PRKCE: variants seen among roughly 807,000 people sequenced by gnomAD.
PRKCE encodes protein kinase C epsilon type.
A neutral mutation model predicts 85.4 loss-of-function variants in PRKCE; 16 were observed. The observed-to-expected ratio is 0.19, with a 90% CI of 0.13 to 0.28. The LOEUF (loss-of-function observed/expected upper bound fraction) is 0.28. Ranked by LOEUF, PRKCE falls within the 10% of genes least tolerant of loss-of-function variation. The pLI is 1.00. For missense variants in PRKCE, 573 were observed against 975.2 expected, an observed-to-expected ratio of 0.59 and a Z score of 5.49; for synonymous variants, 388 against 371.5, an observed-to-expected ratio of 1.04 and a Z score of -0.51.
intron 1 of PRKCE, among the ~76,000 whole-genome samples, chr2:45,701,861 C>G (rs1678669885): frequency 6.6e-6 from 1 of 152,130 alleles, no homozygotes; most frequent in Admixed American, 6.6e-5. Context: ...TCCTTCTTCT[C>G]TTAGTATCTG....
chr2:46,103,573 A>G (rs1390932897), intron 11 of PRKCE, among the ~76,000 whole-genome samples: 1 of 152,196 alleles, frequency 6.6e-6, no homozygotes, highest in East Asian at 1.9e-4. Context: ...GTGAGCAAAT[A>G]TAAAAAACAG....
chr2:46,086,862 C>G (rs1313218990), intron 11 of PRKCE, among the ~76,000 whole-genome samples: 1 of 152,154 alleles, frequency 6.6e-6, no homozygotes, highest in East Asian at 1.9e-4. Flanking sequence ...GGAATGGGAA[C>G]TAGACAATAT....
intron 10 of PRKCE, among the ~76,000 whole-genome samples, chr2:46,080,465 T>C (rs1400714916): frequency 2.0e-5 from 3 of 152,192 alleles, no homozygotes; most frequent in Non-Finnish European, 4.4e-5. Flanking sequence ...AGAAATGATG[T>C]GGGGAAACCA....
intron 1 of PRKCE, among the ~76,000 whole-genome samples, chr2:45,814,842 G>A (rs1468518715): frequency 6.6e-6 from 1 of 152,188 alleles, no homozygotes. Flanking sequence ...TTAGCCACAG[G>A]CTGCAGTTGT....
intron 8 of PRKCE, among the ~76,000 whole-genome samples, chr2:46,006,251 A>G (rs1442032987): frequency 6.6e-6 from 1 of 152,240 alleles, no homozygotes; most frequent in Non-Finnish European, 1.5e-5. Flanking sequence ...GCTGTCCCCA[A>G]ACAACTATGT....
At chr2:46,178,682 A>T (rs1679677552) in intron 14 of PRKCE, among the ~76,000 whole-genome samples, 1 of 152,198 alleles carries the variant, frequency 6.6e-6, no homozygotes, top group Non-Finnish European at 1.5e-5. Flanking sequence ...AAAAGAGAAA[A>T]GTGGAGCATA....
At chr2:45,771,705 G>C (rs971992077) in intron 1 of PRKCE, among the ~76,000 whole-genome samples, 1 of 70,942 alleles carries the variant, frequency 1.4e-5, no homozygotes, top group African/African-American at 4.4e-5. Context: ...AGTGGGGCGT[G>C]TGTGTGTGTG....
intron 11 of PRKCE, among the ~76,000 whole-genome samples, chr2:46,108,922 G>T (rs181921191): frequency 6.6e-6 from 1 of 151,348 alleles, no homozygotes; most frequent in Admixed American, 6.6e-5. Context: ...CAATATTGAT[G>T]TCCAGTTGTT....
intron 1 of PRKCE, among the ~76,000 whole-genome samples, chr2:45,688,996 C>A (rs1677514995): frequency 6.6e-6 from 1 of 152,020 alleles, no homozygotes; most frequent in Non-Finnish European, 1.5e-5. Flanking sequence ...GCTAATGTGG[C>A]CAGAACATAA....
At chr2:45,992,543 T>C (rs1308471920) in intron 6 of PRKCE, among the ~76,000 whole-genome samples, 2 of 152,212 alleles carry the variant, frequency 1.3e-5, no homozygotes, top group Non-Finnish European at 2.9e-5. Context: ...TTTGCAAATA[T>C]TTGCTCTCTG....
intron 1 of PRKCE, among the ~76,000 whole-genome samples, chr2:45,713,382 C>T (rs140818834): frequency 2.0e-5 from 3 of 152,042 alleles, no homozygotes; most frequent in Non-Finnish European, 4.4e-5. Flanking sequence ...TAATGGATAG[C>T]TGTAAAGACT....
chr2:46,074,902 G>A (rs1668418043), intron 10 of PRKCE, among the ~76,000 whole-genome samples: 1 of 152,194 alleles, frequency 6.6e-6, no homozygotes, highest in South Asian at 2.1e-4. Context: ...GTCTCATGCA[G>A]TCCCTACACC....
At chr2:45,685,836 G>T (rs1338471384) in intron 1 of PRKCE, among the ~76,000 whole-genome samples, 2 of 152,190 alleles carry the variant, frequency 1.3e-5, no homozygotes, top group African/African-American at 2.4e-5. Context: ...GCACTCTGCT[G>T]TGACAGGTAT....
chr2:46,010,756 T>C, intron 10 of PRKCE: 1 of 1,598,072 alleles, frequency 6.3e-7, no homozygotes, highest in Non-Finnish European at 8.5e-7. Flanking sequence ...GCAGCCAGAG[T>C]TGGACAAAGC....
chr2:46,152,313 C>T (rs1224716479), intron 13 of PRKCE, among the ~76,000 whole-genome samples: 1 of 151,746 alleles, frequency 6.6e-6, no homozygotes, highest in Non-Finnish European at 1.5e-5. Flanking sequence ...TCCTGAGTAG[C>T]TGGGATTACA....
intron 2 of PRKCE, among the ~76,000 whole-genome samples, chr2:45,892,028 GC>G (rs1390601678): frequency 2.0e-5 from 3 of 152,186 alleles, no homozygotes; most frequent in African/African-American, 7.2e-5. Flanking sequence ...GCTTACCTTG[GC>G]CCTGCTCTCC....
intron 2 of PRKCE, 149 bp downstream of exon 2, chr2:45,843,212 A>C (rs761906255): frequency 4.1e-6 from 3 of 734,756 alleles, no homozygotes; most frequent in Non-Finnish European, 6.8e-6. Flanking sequence ...GAAGATGCTT[A>C]CGCCTGTGTA....
rs115641593 is a variant in PRKCE at position 46,021,920 on chromosome 2, T to C, written c.1437+11403T>C. On this transcript the variant is annotated intron_variant, in intron 10 of 14. Coordinates refer to ENST00000306156, the MANE Select transcript of PRKCE (RefSeq NM_005400.3). ...CTACAGGGAAAGTCATCTGGGGCCT[T>C]TCATAGGGAGCTTCTACATAGTCTA... Among the ~76,000 whole-genome samples the C allele has an allele frequency of 7.0e-3, 1,070 of 152,238 alleles. 19 individuals are homozygous for C. Among genetic ancestry groups the C allele is most frequent in the African/African-American group, 0.025 (1,029 of 41,538 alleles).
chr2:45,774,766 G>A lies in PRKCE; in HGVS notation c.349-68234G>A, dbSNP rs1685617261. 6.6e-6 allele frequency among the ~76,000 whole-genome samples: 1 copy of A among 152,074 alleles called. No individual in the cohort carries two copies. The highest frequency in any genetic ancestry group is 1.5e-5 in the Non-Finnish European group (1 of 68,010). ...CCCTGACTTTGACTCTTTCCTGGAG[G>A]GACCCACCCAAGCTGCACATTCCCA... On this transcript the variant is annotated intron_variant, in intron 1 of 14. Transcript: ENST00000306156. This position sits in a 1 kb window ranked among gnomAD's most constrained non-coding sequence, Gnocchi z 4.3.
Sources: gnomAD v4.1 joint callset for allele counts (sites outside exome capture counted in the v4.1 genomes callset) on GRCh38, gnomAD v4.1.1 for gene constraint, Gnocchi (gnomAD v3.1) non-coding constraint, MANE v1.5 for transcripts, NCBI Gene and HGNC (gene_info 2026-07-23, HGNC 2026-07-21) for gene names.